EPHA6: variants seen among roughly 807,000 people sequenced by gnomAD.
EPHA6 encodes ephrin type-A receptor 6.
EPHA6 carries 50 observed loss-of-function variants against 112.0 expected under a neutral mutation model. The ratio of observed to expected loss-of-function variants is 0.45; its 90% CI spans 0.36 to 0.56. EPHA6 has a LOEUF of 0.56. Ranked by LOEUF, EPHA6 falls within the 20% of genes least tolerant of loss-of-function variation. The pLI is 0.00. For synonymous variants in EPHA6, 529 were observed against 490.7 expected (o/e 1.08, Z -1.03); for missense variants, 1,280 against 1,417.4 (o/e 0.90, Z 1.56).
chr3:97,639,995 C>T (rs999668769), intron 14 of EPHA6, among the ~76,000 whole-genome samples: 3 of 151,842 alleles, frequency 2.0e-5, no homozygotes, highest in Admixed American at 1.3e-4. Flanking sequence ...GTTCAGAGGA[C>T]TGACTTTATA....
At chr3:97,283,271 T>C (rs2080350184) in intron 5 of EPHA6, among the ~76,000 whole-genome samples, 1 of 152,198 alleles carries the variant, frequency 6.6e-6, no homozygotes, top group Admixed American at 6.5e-5. Flanking sequence ...AATTGTTTAG[T>C]TCCATTTTAT....
intron 11 of EPHA6, among the ~76,000 whole-genome samples, chr3:97,580,701 T>A (rs374896592): frequency 6.9e-4 from 105 of 152,344 alleles, no homozygotes; most frequent in African/African-American, 2.2e-3. Context: ...AAAGTCAGGC[T>A]TCTTTGAGTC....
At chr3:97,231,301 A>G (rs776068951) in intron 4 of EPHA6, among the ~76,000 whole-genome samples, 26 of 152,132 alleles carry the variant, frequency 1.7e-4, no homozygotes, top group Middle Eastern at 6.3e-3. Flanking sequence ...TACTTTTTTA[A>G]GAGCTTACTT....
chr3:97,224,672 T>G (rs936396271), intron 3 of EPHA6, among the ~76,000 whole-genome samples: 1 of 152,116 alleles, frequency 6.6e-6, no homozygotes, highest in African/African-American at 2.4e-5. Flanking sequence ...GGCATACATA[T>G]TCCTAATTAA....
In EPHA6 at chr3:96,927,514, C is replaced by T. The variant is rs117973915; in HGVS notation, c.451-59816C>T. ...CATAAGTTCCAGTTTCAGATAATCT[C>T]TCTCCAGTTCAAAGTTCCACTTATC... On this transcript the variant is annotated intron_variant, in intron 2 of 17. Transcript: ENST00000389672. Among the ~76,000 whole-genome samples, 550 of 152,312 alleles carry T rather than the reference C, an allele frequency of 3.6e-3. 21 individuals are homozygous for T. In the East Asian group the frequency reaches 0.095, roughly 26 times the overall value.
chr3:97,225,605 T>C (rs920534952), intron 3 of EPHA6, among the ~76,000 whole-genome samples: 5 of 152,202 alleles, frequency 3.3e-5, no homozygotes, highest in African/African-American at 1.2e-4. Flanking sequence ...GTACCACCAC[T>C]CCTCATTGAT....
chr3:97,547,361 C>T (rs764264071), intron 11 of EPHA6, among the ~76,000 whole-genome samples: 8 of 152,184 alleles, frequency 5.3e-5, no homozygotes, highest in Non-Finnish European at 8.8e-5. Flanking sequence ...GTTTCAGCAG[C>T]GGTGGCTACC....
intron 8 of EPHA6, among the ~76,000 whole-genome samples, chr3:97,476,447 G>A (rs16838757): frequency 6.6e-6 from 1 of 151,944 alleles, no homozygotes; most frequent in Non-Finnish European, 1.5e-5. Context: ...ACATTGGTAC[G>A]TCAGAAAGAG....
At chr3:97,416,457 T>A (rs1453554021) in intron 6 of EPHA6, among the ~76,000 whole-genome samples, 1 of 152,060 alleles carries the variant, frequency 6.6e-6, no homozygotes, top group Non-Finnish European at 1.5e-5. Context: ...TTAATATTAA[T>A]AACTGTGACA....
At chr3:97,326,384 G>T (rs1026034788) in intron 5 of EPHA6, among the ~76,000 whole-genome samples, 1 of 150,576 alleles carries the variant, frequency 6.6e-6, no homozygotes, top group Non-Finnish European at 1.5e-5. Context: ...TCTTCTTTTC[G>T]GCATACTGGA....
At chr3:97,272,378 C>A (rs974865606) in intron 5 of EPHA6, among the ~76,000 whole-genome samples, 1 of 152,092 alleles carries the variant, frequency 6.6e-6, no homozygotes, top group South Asian at 2.1e-4. Flanking sequence ...GACAGGGATA[C>A]ACTCTAAGAA....
chr3:97,671,984 AT>A (rs945479845), intron 14 of EPHA6, among the ~76,000 whole-genome samples: 1 of 152,164 alleles, frequency 6.6e-6, no homozygotes, highest in Non-Finnish European at 1.5e-5. Context: ...CGAGAACCTG[AT>A]TTAGGATACA....
At chr3:97,676,948 G>A (rs1422321878) in intron 14 of EPHA6, among the ~76,000 whole-genome samples, 2 of 152,142 alleles carry the variant, frequency 1.3e-5, no homozygotes, top group Non-Finnish European at 2.9e-5. Flanking sequence ...AAGTGATCTA[G>A]GATTTTGCTG....
intron 14 of EPHA6, among the ~76,000 whole-genome samples, chr3:97,659,219 A>G (rs948415745): frequency 1.8e-4 from 28 of 151,970 alleles, no homozygotes; most frequent in Admixed American, 1.8e-3. Flanking sequence ...AAATCCCAGT[A>G]AAAAGATCAA....
chr3:97,359,610 C>G (rs963641600), intron 5 of EPHA6, among the ~76,000 whole-genome samples: 1 of 151,732 alleles, frequency 6.6e-6, no homozygotes, highest in Non-Finnish European at 1.5e-5. Flanking sequence ...AGTCATATTT[C>G]CTTGCTCCTT....
intron 11 of EPHA6, among the ~76,000 whole-genome samples, chr3:97,573,584 A>G (rs1169545983): frequency 6.6e-6 from 1 of 151,674 alleles, no homozygotes; most frequent in African/African-American, 2.4e-5. Context: ...TTTATTTTTT[A>G]TTTTTTTAAA....
In EPHA6 at chr3:97,561,549, T is replaced by G. The variant is rs187264162; in HGVS notation, c.2386+29006T>G. On this transcript the variant is annotated intron_variant, in intron 11 of 17. Transcript: ENST00000389672. ...TTGAAGAAACTGCAGTCAAAAATTTTAAAGCTACCAGAGATTGCTTTATGA... is the reference window on the plus strand; with the variant it reads ...TTGAAGAAACTGCAGTCAAAAATTTGAAAGCTACCAGAGATTGCTTTATGA... Among the ~76,000 whole-genome samples, 489 of 152,108 alleles carry G rather than the reference T, an allele frequency of 3.2e-3. 2 individuals carry two copies. The highest frequency in any genetic ancestry group is 0.011 in the African/African-American group (455 of 41,528).
At chr3:97,175,680 T>G (rs1468517283) in intron 3 of EPHA6, among the ~76,000 whole-genome samples, 2 of 151,864 alleles carry the variant, frequency 1.3e-5, no homozygotes, top group Admixed American at 6.6e-5. Flanking sequence ...CAAAAATTTC[T>G]TTTTCACATT....
chr3:97,120,167 TA>T (rs1465181686), intron 3 of EPHA6, among the ~76,000 whole-genome samples: 1 of 152,000 alleles, frequency 6.6e-6, no homozygotes, highest in Non-Finnish European at 1.5e-5. Context: ...TTCTACTGAT[TA>T]ATCAAATATG....
Sources: gnomAD v4.1 joint callset for allele counts (sites outside exome capture counted in the v4.1 genomes callset) on GRCh38, gnomAD v4.1.1 for gene constraint, MANE v1.5 for transcripts, NCBI Gene and HGNC (gene_info 2026-07-23, HGNC 2026-07-21) for gene names.